Variants in TBC1D23 observed in about 807,000 individuals in gnomAD.
The protein encoded by TBC1D23 is TBC1 domain family member 23, also known as HCV non-structural protein 4A-transactivated protein 1.
TBC1D23 carries 55 observed loss-of-function variants against 91.4 expected under a neutral mutation model. That is an observed-to-expected ratio of 0.60 (90% confidence interval 0.48 to 0.75). The LOEUF is 0.75. Among genes scored for constraint, TBC1D23 ranks in the 30% least tolerant of loss-of-function variants. The pLI is 0.00. For missense variants in TBC1D23, 725 were observed against 836.1 expected, an observed-to-expected ratio of 0.87 and a Z score of 1.64; for synonymous variants, 289 against 281.0, an observed-to-expected ratio of 1.03 and a Z score of -0.28.
intron 1 of TBC1D23, among the ~76,000 whole-genome samples, chr3:100,263,455 T>A (rs1300534420): frequency 6.6e-6 from 1 of 152,208 alleles, no homozygotes; most frequent in Non-Finnish European, 1.5e-5. Context: ...GGCCTGACAG[T>A]AACAGCATAA....
chr3:100,311,960 T>G, intron 15 of TBC1D23, 83 bp downstream of exon 15: 1 of 905,904 alleles, frequency 1.1e-6, no homozygotes, highest in Admixed American at 2.3e-5. Context: ...TCATGCTGTC[T>G]TGGCTCAAAT....
intron 7 of TBC1D23, among the ~76,000 whole-genome samples, 159 bp from the exon 8 acceptor site, chr3:100,296,013 C>T (rs923412215): frequency 5.9e-5 from 9 of 152,160 alleles, no homozygotes; most frequent in African/African-American, 2.2e-4. Flanking sequence ...GCCGTTTCAG[C>T]TCATTTGGAG....
intron 1 of TBC1D23, chr3:100,267,293 A>G: frequency 2.3e-6 from 1 of 432,002 alleles, no homozygotes. Context: ...TCTTTCTTGT[A>G]GAAATAAAGA....
intron 1 of TBC1D23, chr3:100,267,304 A>G (rs556684255): frequency 2.3e-6 from 1 of 427,978 alleles, no homozygotes; most frequent in African/African-American, 2.1e-5. Flanking sequence ...GAAATAAAGA[A>G]TTTAAGAGCC....
rs78844500 is a variant in TBC1D23, at chr3:100,314,731, T to C, written c.1599-1368T>C. On this transcript the variant is annotated intron_variant, in intron 15 of 18. Transcript: ENST00000394144. ...AATTCGAGGCTGCAGTGAGCTAAGATTGCGCCACTGTACTCTAGCCTGGGT... is the reference window on the plus strand; with the variant it reads ...AATTCGAGGCTGCAGTGAGCTAAGACTGCGCCACTGTACTCTAGCCTGGGT... 7.7e-3 allele frequency among the ~76,000 whole-genome samples: 1,168 copies of C among 152,312 alleles called. 17 individuals carry two copies. Among genetic ancestry groups the C allele is most frequent in the African/African-American group, 0.026 (1,099 of 41,564 alleles).
chr3:100,267,307 T>G (rs941346425), intron 1 of TBC1D23: 18 of 426,992 alleles, frequency 4.2e-5, no homozygotes, highest in African/African-American at 3.5e-4. Context: ...ATAAAGAATT[T>G]AAGAGCCACT....
intron 2 of TBC1D23, among the ~76,000 whole-genome samples, chr3:100,280,860 A>G (rs1284592904): frequency 2.6e-5 from 4 of 152,182 alleles, no homozygotes; most frequent in African/African-American, 4.8e-5. Context: ...TGAAACGTTT[A>G]AAAGAATGGT....
At chr3:100,315,028 G>C (rs551426899) in intron 15 of TBC1D23, among the ~76,000 whole-genome samples, 1 of 151,910 alleles carries the variant, frequency 6.6e-6, no homozygotes, top group Admixed American at 6.6e-5. Context: ...GTTTATTTGG[G>C]ATTACCTGAA....
At chr3:100,275,922 T>A (rs1426493107) in intron 1 of TBC1D23, among the ~76,000 whole-genome samples, 2 of 152,196 alleles carry the variant, frequency 1.3e-5, no homozygotes, top group African/African-American at 2.4e-5. Flanking sequence ...ACACATTATA[T>A]GATTCCAGTT....
chr3:100,289,315 C>A (rs897172812), intron 4 of TBC1D23, among the ~76,000 whole-genome samples: 1 of 151,976 alleles, frequency 6.6e-6, no homozygotes, highest in Non-Finnish European at 1.5e-5. Flanking sequence ...AGTTTTTTTC[C>A]ATGAAGTATT....
intron 5 of TBC1D23, among the ~76,000 whole-genome samples, chr3:100,292,621 C>T (rs895441211): frequency 2.6e-5 from 4 of 152,046 alleles, no homozygotes; most frequent in African/African-American, 7.2e-5. Flanking sequence ...GTTTTTGAGA[C>T]GAGGTCTTGC....
chr3:100,280,856 G>A (rs2067688133), intron 2 of TBC1D23, among the ~76,000 whole-genome samples: 1 of 152,128 alleles, frequency 6.6e-6, no homozygotes, highest in Non-Finnish European at 1.5e-5. Context: ...AGTCTGAAAC[G>A]TTTAAAAGAA....
At chr3:100,301,350 T>C (rs1424632461) in intron 10 of TBC1D23, among the ~76,000 whole-genome samples, 2 of 152,002 alleles carry the variant, frequency 1.3e-5, no homozygotes, top group East Asian at 3.9e-4. Context: ...CATTATTGGA[T>C]ATTATCAATC....
intron 11 of TBC1D23, 58 bp from the exon 12 acceptor site, chr3:100,304,788 C>A: frequency 1.2e-6 from 1 of 852,422 alleles, no homozygotes; most frequent in East Asian, 2.4e-5. Flanking sequence ...TTAGAACTAG[C>A]TAAAGTTTTA....
chr3:100,263,775 T>A (rs2067534466), intron 1 of TBC1D23, among the ~76,000 whole-genome samples: 1 of 152,184 alleles, frequency 6.6e-6, no homozygotes, highest in Admixed American at 6.5e-5. Context: ...TAGAGTGCCA[T>A]GAGGGGAAAT....
chr3:100,263,840 ATC>A (rs1239065666), intron 1 of TBC1D23, among the ~76,000 whole-genome samples: 3 of 152,122 alleles, frequency 2.0e-5, no homozygotes, highest in Non-Finnish European at 4.4e-5. Flanking sequence ...GATTGTGAGA[ATC>A]TCTGGTTCAC....
intron 5 of TBC1D23, among the ~76,000 whole-genome samples, chr3:100,294,462 T>C (rs953479898): frequency 2.4e-4 from 36 of 152,198 alleles, no homozygotes; most frequent in Middle Eastern, 6.8e-3. Flanking sequence ...GGTTTCACTA[T>C]GTTGGCCAGG....
intron 5 of TBC1D23, among the ~76,000 whole-genome samples, chr3:100,294,419 C>A (rs1465766627): frequency 6.6e-6 from 1 of 151,914 alleles, no homozygotes; most frequent in Non-Finnish European, 1.5e-5. Context: ...TGCCATCATG[C>A]CTGGCTAATT....
At chr3:100,305,254 G>A (rs1267828565) in intron 12 of TBC1D23, among the ~76,000 whole-genome samples, 1 of 152,048 alleles carries the variant, frequency 6.6e-6, no homozygotes, top group Non-Finnish European at 1.5e-5. Context: ...CTCTTTAGGT[G>A]TTTTGTTATT....
Sources: gnomAD v4.1 joint callset for allele counts (sites outside exome capture counted in the v4.1 genomes callset) on GRCh38, gnomAD v4.1.1 for gene constraint, MANE v1.5 for transcripts, NCBI Gene and HGNC (gene_info 2026-07-23, HGNC 2026-07-21) for gene names.